LOX: variants seen among roughly 807,000 people sequenced by gnomAD.
The protein encoded by LOX is protein-lysine 6-oxidase.
In LOX, 12 loss-of-function variants were observed where a neutral mutation model predicts 50.5. The observed-to-expected ratio is 0.24, with a 90% CI of 0.15 to 0.38. The LOEUF (loss-of-function observed/expected upper bound fraction) is 0.38. Among genes scored for constraint, LOX ranks in the 10% least tolerant of loss-of-function variants. The pLI is 1.00. For synonymous variants in LOX, 254 were observed against 230.6 expected (o/e 1.10, Z -0.92); for missense variants, 504 against 563.8 (o/e 0.89, Z 1.07).
chr5:122,067,441 G>C (rs1432055365), intron 6 of LOX, among the ~76,000 whole-genome samples: 1 of 152,054 alleles, frequency 6.6e-6, no homozygotes, highest in Admixed American at 6.6e-5. Flanking sequence ...TATTTACTGG[G>C]TGGCTTTTAC....
chr5:122,069,677 C>T (rs1427605616), intron 6 of LOX, among the ~76,000 whole-genome samples: 1 of 152,044 alleles, frequency 6.6e-6, no homozygotes, highest in African/African-American at 2.4e-5. Context: ...CTTTGAAGAA[C>T]CCTAGCAATT....
rs1301371175 is a variant in LOX at position 122,077,888 on chromosome 5, C to G, written c.98G>C (p.Arg33Pro). 1 of 1,532,180 alleles carries G rather than the reference C, an allele frequency of 6.5e-7. No individual in the cohort carries two copies. The highest frequency in any genetic ancestry group is 2.2e-5 in the Admixed American group (1 of 46,394). 94.9% of individuals were successfully genotyped at this position (1,532,180 alleles called of 1,614,324 possible). A position where few individuals can be genotyped will look rare whatever the true frequency, so the allele number is the denominator to read the frequency against. The change falls in exon 1 of 7, where the codon CGC becomes CCC. Residue 33 changes from arginine to proline, a missense_variant. Transcript: ENST00000231004. The surrounding 1 kb of genome is among the most constrained non-coding windows in gnomAD (Gnocchi z 4.9). ...GGCGCCCGGAGCCGCCGGCGGCTCG[C>G]GCGGGGGCTGCTGTTGGCCGGCGGC... The part of the protein sequence containing the change: ...PPAAGQQQPP[R>P]EPPAAPGAWR...
Position 122,076,915 on chromosome 5 carries a change from C to T in LOX, c.718G>A (p.Ala240Thr). 1 of 1,614,086 alleles carries T rather than the reference C, an allele frequency of 6.2e-7. No individual in the cohort carries two copies. The highest frequency in any genetic ancestry group is 8.5e-7 in the Non-Finnish European group (1 of 1,180,018). ...KMSMYNLRCA[A>T]EENCLASTAY... ...TACCTGGCCAGACAGTTTTCCTCCG[C>T]CGCGCATCTCAGGTTGTACATGGAC... Residue 240 changes from alanine to threonine, a missense_variant, in exon 2 of 7, where the codon GCG becomes ACG. Ala to Thr is a moderately conservative substitution (Grantham distance 58, BLOSUM62 0). Around this residue, in one of 2 missense-constraint regions of LOX, gnomAD observed 398 missense variants for 365.8 expected, o/e 1.09. Transcript: ENST00000231004.
In LOX at chr5:122,077,878, C is replaced by A; in HGVS notation, c.108G>T (p.Pro36=). The change falls in exon 1 of 7, where the codon CCG becomes CCT. Residue 36 remains proline, a synonymous_variant. Coordinates refer to ENST00000231004, the MANE Select transcript of LOX (RefSeq NM_002317.7). The surrounding 1 kb of genome is among the most constrained non-coding windows in gnomAD (Gnocchi z 4.9). ...AGQQQPPREP[P]AAPGAWRQQI... ...GCTGGCGCCAGGCGCCCGGAGCCGC[C>A]GGCGGCTCGCGCGGGGGCTGCTGTT... is the stretch of plus-strand genomic sequence containing the variant. 10 of 1,535,516 alleles carry A rather than the reference C, an allele frequency of 6.5e-6. No individual in the cohort carries two copies. The highest frequency in any genetic ancestry group is 8.7e-6 in the Non-Finnish European group (10 of 1,146,748).
At chr5:122,068,428 A>T (rs1580557847) in intron 6 of LOX, among the ~76,000 whole-genome samples, 1 of 152,212 alleles carries the variant, frequency 6.6e-6, no homozygotes, top group East Asian at 1.9e-4. Flanking sequence ...GGTCCTTCTG[A>T]TCTCACCACA....
chr5:122,077,631 G>A lies in LOX; in HGVS notation c.355C>T (p.Pro119Ser). 1.2e-6 allele frequency: 2 copies of A among 1,610,768 alleles called. No homozygotes were observed. Among genetic ancestry groups the A allele is most frequent in the Non-Finnish European group, 1.7e-6 (2 of 1,179,446 alleles). Residue 119 changes from proline (P) to serine (S), a missense_variant, in exon 1 of 7, where the codon CCC (proline) becomes TCC (serine). This residue lies in a region of LOX where 398 missense variants were observed against 365.8 expected (regional missense o/e 1.09). Coordinates refer to ENST00000231004, the MANE Select transcript of LOX (RefSeq NM_002317.7). The surrounding 1 kb of genome is among the most constrained non-coding windows in gnomAD (Gnocchi z 4.9). ...SSGVTAGRPRPTARHWFQAGY... is the reference protein window; with the variant it reads ...SSGVTAGRPRSTARHWFQAGY... Reference sequence around the variant, plus strand: ...GCTTGGAACCAGTGACGGGCGGTGGGCCTGGGGCGGCCAGCGGTGACTCCA... The same window carrying A: ...GCTTGGAACCAGTGACGGGCGGTGGACCTGGGGCGGCCAGCGGTGACTCCA...
Position 122,077,719 on chromosome 5 carries a change from A to T in LOX, c.267T>A (p.Thr89=). ...AANASAQQPR[T]PILLIRDNRT... ...GGTTGTCGCGGATCAGCAGGATCGG[A>T]GTGCGGGGCTGCTGGGCGGAGGCGT... The change falls in exon 1 of 7, where the codon ACT becomes ACA. Residue 89 remains threonine (T), a synonymous_variant. Transcript: ENST00000231004. The surrounding 1 kb of genome is among the most constrained non-coding windows in gnomAD (Gnocchi z 4.9). 1 of 1,585,998 alleles carries T rather than the reference A, an allele frequency of 6.3e-7. No homozygotes were observed. Among genetic ancestry groups the T allele is most frequent in the Non-Finnish European group, 8.5e-7 (1 of 1,169,910 alleles).
Position 122,077,952 on chromosome 5 carries a change from G to A in LOX, c.34C>T (p.Pro12Ser), listed in dbSNP as rs529787826. The change falls in exon 1 of 7, where the codon CCT becomes TCT. Residue 12 changes from proline (P) to serine (S), a missense_variant. By Grantham distance (74) the Pro-to-Ser change is moderately conservative (BLOSUM62 -1). Transcript: ENST00000231004. The surrounding 1 kb of genome is among the most constrained non-coding windows in gnomAD (Gnocchi z 4.9). The part of the protein sequence containing the change: ...RFAWTVLLLG[P>S]LQLCALVHCA... ...TGCACTAGCGCGCAGAGCTGCAAAG[G>A]CCCGAGCAGGAGCACGGTCCAGGCG... 1.1e-5 allele frequency: 16 copies of A among 1,478,924 alleles called. 1 individual carries two copies. The South Asian group carries it at 1.8e-4, about 16-fold the overall frequency. 91.6% of individuals were successfully genotyped at this position (1,478,924 alleles called of 1,614,324 possible).
In LOX at chr5:122,077,347, G is replaced by T. The variant is rs746390468; in HGVS notation, c.631+8C>A. The stretch of plus-strand genomic sequence containing the variant: ...ACGGGTGCTTCCAGCGGACTTGGGG[G>T]TACTTACCGTACTGGAAGTAGCCAG... On this transcript the variant is annotated splice_region_variant and intron_variant, in intron 1 of 6. Transcript: ENST00000231004. This position sits in a 1 kb window ranked among gnomAD's most constrained non-coding sequence, Gnocchi z 4.9. The T allele has an allele frequency of 1.9e-6, 3 of 1,613,716 alleles. No homozygotes were observed. The highest frequency in any genetic ancestry group is 8.5e-7 in the Non-Finnish European group (1 of 1,179,974).
chr5:122,070,273 T>G (rs1456914012), intron 5 of LOX, 105 bp from the exon 6 acceptor site: 1 of 735,082 alleles, frequency 1.4e-6, no homozygotes, highest in African/African-American at 1.7e-5. Flanking sequence ...GGATTTTAAC[T>G]TAAGTAAGTG....
chr5:122,078,161 A>C lies in LOX; in HGVS notation c.-176T>G, dbSNP rs1754698287. The C allele has an allele frequency of 3.8e-6, 2 of 523,738 alleles. No homozygotes were observed. Among genetic ancestry groups the C allele is most frequent in the South Asian group, 1.1e-4 (2 of 18,226 alleles). The allele number at this position is 523,738 out of a possible 1,614,324, so 32.4% of individuals were successfully genotyped here. The stretch of plus-strand genomic sequence containing the variant: ...GTGGGATTCAGACCCTTCCCCAGTC[A>C]AGGCGGCTGCTCGGACGTGGCACCC... On this transcript the variant is annotated 5_prime_UTR_variant, in exon 1 of 7. Coordinates refer to ENST00000231004, the MANE Select transcript of LOX (RefSeq NM_002317.7).
At chr5:122,075,817 T>G (rs113644540) in intron 2 of LOX, among the ~76,000 whole-genome samples, 74 of 152,214 alleles carry the variant, frequency 4.9e-4, no homozygotes, top group African/African-American at 1.7e-3. Flanking sequence ...AAAAACATAA[T>G]AAGCATTAAA....
In LOX at chr5:122,066,462, A is replaced by T. The variant is rs555245090; in HGVS notation, c.*281T>A. The T allele has an allele frequency of 5.2e-4, 183 of 350,580 alleles. 3 individuals carry two copies. The South Asian group carries it at 0.015, about 28-fold the overall frequency. The allele number at this position is 350,580 out of a possible 1,614,324, so 21.7% of individuals were successfully genotyped here. A position where few individuals can be genotyped will look rare whatever the true frequency, so the allele number is the denominator to read the frequency against. On this transcript the variant is annotated 3_prime_UTR_variant, in exon 7 of 7. Coordinates refer to ENST00000231004, the MANE Select transcript of LOX (RefSeq NM_002317.7). ...TTCAAAAGGAACATGAGAAATTTGG[A>T]TTTCTTTGAAAGAGTCAAATATGTA...
At chr5:122,075,373 C>G in intron 3 of LOX, 31 bp downstream of exon 3, 1 of 1,550,890 alleles carries the variant, frequency 6.4e-7, no homozygotes, top group Non-Finnish European at 8.7e-7. Flanking sequence ...GAAAAGCAAC[C>G]CAAAAGTACC....
At chr5:122,070,765 C>G in intron 4 of LOX, 176 bp from the exon 5 acceptor site, 1 of 459,410 alleles carries the variant, frequency 2.2e-6, no homozygotes, top group Non-Finnish European at 3.9e-6. Context: ...TATAGCACCT[C>G]CAGCTAAAAA....
In LOX at chr5:122,070,643, T is replaced by C. The variant is rs1022824304; in HGVS notation, c.1036-54A>G. The C allele has an allele frequency of 6.5e-5, 58 of 887,948 alleles. 2 individuals are homozygous for C. The Admixed American group carries it at 1.2e-3, about 19-fold the overall frequency. The allele number at this position is 887,948 out of a possible 1,614,324, so 55.0% of individuals were successfully genotyped here. On this transcript the variant is annotated intron_variant, in intron 4 of 6. Transcript: ENST00000231004. ...ATTATGGTATGTGGTCAGACTATGA[T>C]AAATAATATGCTATTATTTGCAAAT...
chr5:122,078,148 C>A lies in LOX; in HGVS notation c.-163G>T. The A allele has an allele frequency of 1.7e-6, 1 of 585,280 alleles. No homozygotes were observed. The highest frequency in any genetic ancestry group is 2.0e-5 in the African/African-American group (1 of 51,058). 36.3% of individuals were successfully genotyped at this position (585,280 alleles called of 1,614,324 possible). A position where few individuals can be genotyped will look rare whatever the true frequency, so the allele number is the denominator to read the frequency against. On this transcript the variant is annotated 5_prime_UTR_variant, in exon 1 of 7. Coordinates refer to ENST00000231004, the MANE Select transcript of LOX (RefSeq NM_002317.7). ...AGCAATGCCAAGGGTGGGATTCAGA[C>A]CCTTCCCCAGTCAAGGCGGCTGCTC...
Position 122,075,484 on chromosome 5 carries a change from G to A in LOX, c.798C>T (p.Pro266=). The change falls in exon 3 of 7, where the codon CCC becomes CCT. Residue 266 remains proline, a synonymous_variant. Coordinates refer to ENST00000231004, the MANE Select transcript of LOX (RefSeq NM_002317.7). ...DYDHRVLLRF[P]QRVKNQGTSD... ...ATGTCCCTTGGTTTTTCACTCTTTGGGGAAATCTGAGCAGCACCCTGTGAT... is the reference window on the plus strand; with the variant it reads ...ATGTCCCTTGGTTTTTCACTCTTTGAGGAAATCTGAGCAGCACCCTGTGAT... 6.2e-7 allele frequency: 1 copy of A among 1,613,424 alleles called. No homozygotes were observed. The highest frequency in any genetic ancestry group is 1.1e-5 in the South Asian group (1 of 91,028).
At chr5:122,068,174 T>A (rs201114740) in intron 6 of LOX, among the ~76,000 whole-genome samples, 27 of 115,886 alleles carry the variant, frequency 2.3e-4, no homozygotes, top group East Asian at 7.6e-4. Flanking sequence ...TAATAACTAG[T>A]AAAAAAAAAA....
Sources: gnomAD v4.1 joint callset for allele counts (sites outside exome capture counted in the v4.1 genomes callset) on GRCh38, gnomAD v4.1.1 for gene constraint, gnomAD v4.1.1 regional missense constraint, Gnocchi (gnomAD v3.1) non-coding constraint, MANE v1.5 for transcripts, NCBI Gene and HGNC (gene_info 2026-07-23, HGNC 2026-07-21) for gene names.